PLEKHH1: variants seen among roughly 807,000 people sequenced by gnomAD.
The protein encoded by PLEKHH1 is pleckstrin homology domain-containing family H member 1.
In PLEKHH1, 104 loss-of-function variants were observed where a neutral mutation model predicts 160.0. The observed-to-expected ratio is 0.65, with a 90% CI of 0.55 to 0.76. The LOEUF is 0.76. Ranked by LOEUF, PLEKHH1 falls within the 30% of genes least tolerant of loss-of-function variation. PLEKHH1 has a pLI of 0.00. For synonymous variants in PLEKHH1, 619 were observed against 678.4 expected (o/e 0.91, Z 1.36); for missense variants, 1,427 against 1,724.1 (o/e 0.83, Z 3.05).
chr14:67,575,467 G>A lies in PLEKHH1; in HGVS notation c.2164G>A (p.Asp722Asn). 2 of 1,596,802 alleles carry A rather than the reference G, an allele frequency of 1.3e-6. No individual in the cohort carries two copies. Among genetic ancestry groups the A allele is most frequent in the Non-Finnish European group, 1.7e-6 (2 of 1,168,884 alleles). The change falls in exon 15 of 29, where the codon GAC becomes AAC. Residue 722 changes from aspartate to asparagine, a missense_variant. Around this residue, in one of 6 missense-constraint regions of PLEKHH1, gnomAD observed 831 missense variants for 929.2 expected, o/e 0.89. Coordinates refer to ENST00000329153, the MANE Select transcript of PLEKHH1 (RefSeq NM_020715.3). ...KIFYYYRSHE[D>N]KRPLGCLPVR... Reference sequence around the variant, plus strand: ...CTTCTACTACTATCGGAGCCATGAGGACAAGGTACTTCTCAGCCTCCTCAC... The same window carrying A: ...CTTCTACTACTATCGGAGCCATGAGAACAAGGTACTTCTCAGCCTCCTCAC...
rs911447416 is a variant in PLEKHH1 at position 67,573,611 on chromosome 14, C to A, written c.1840-190C>A. On this transcript the variant is annotated intron_variant, in intron 12 of 28. Transcript: ENST00000329153. The surrounding 1 kb of genome is among the most constrained non-coding windows in gnomAD (Gnocchi z 4.8). ...GAAATAGGGAGGTTCTCAGAAGGACCCATGTTCCTGATTAAGGTTCCATTT... is the reference window on the plus strand; with the variant it reads ...GAAATAGGGAGGTTCTCAGAAGGACACATGTTCCTGATTAAGGTTCCATTT... Among the ~76,000 whole-genome samples, 1 of 152,156 alleles carries A rather than the reference C, an allele frequency of 6.6e-6. No homozygotes were observed. Among genetic ancestry groups the A allele is most frequent in the African/African-American group, 2.4e-5 (1 of 41,420 alleles).
chr14:67,573,763 A>T lies in PLEKHH1; in HGVS notation c.1840-38A>T, dbSNP rs1313240298. 7.4e-7 allele frequency: 1 copy of T among 1,347,856 alleles called. No homozygotes were observed. The highest frequency in any genetic ancestry group is 1.1e-6 in the Non-Finnish European group (1 of 936,438). 83.5% of individuals were successfully genotyped at this position (1,347,856 alleles called of 1,614,324 possible). On this transcript the variant is annotated intron_variant, in intron 12 of 28. Transcript: ENST00000329153. The surrounding 1 kb of genome is among the most constrained non-coding windows in gnomAD (Gnocchi z 4.8). ...AAATGAGGTGCTCCGGAAAGGCTCC[A>T]CATTCAGTGGCTCTCCTCTCCAATA...
chr14:67,563,903 GT>G (rs71129836), intron 7 of PLEKHH1, among the ~76,000 whole-genome samples: 119,024 of 135,452 alleles, frequency 0.88, 52,456 homozygotes, highest in Non-Finnish European at 0.94. Context: ...CCGGCTAACT[GT>G]TTTTTTTTTT....
chr14:67,569,264 G>T, intron 8 of PLEKHH1, 48 bp downstream of exon 8: 1 of 1,395,996 alleles, frequency 7.2e-7, no homozygotes, highest in South Asian at 1.2e-5. Context: ...AAGGTGGGCA[G>T]GGTGGGCAAG....
At chr14:67,557,146 G>T (rs2034626771) in intron 3 of PLEKHH1, 123 bp from the exon 4 acceptor site, 1 of 702,754 alleles carries the variant, frequency 1.4e-6, no homozygotes, top group South Asian at 1.9e-5. Context: ...GACTGCCCTG[G>T]GTAAGGGCTG....
chr14:67,546,936 G>A (rs61568534), intron 2 of PLEKHH1, among the ~76,000 whole-genome samples: 1 of 152,256 alleles, frequency 6.6e-6, no homozygotes, highest in African/African-American at 2.4e-5. Context: ...GTTTTAGAGT[G>A]TGCCTGTCTA....
intron 7 of PLEKHH1, 125 bp downstream of exon 7, chr14:67,563,019 C>A: frequency 1.0e-6 from 1 of 972,622 alleles, no homozygotes; most frequent in Non-Finnish European, 1.5e-6. Context: ...CCCTGGCAGG[C>A]AGGTACCATG....
chr14:67,585,303 T>C, intron 26 of PLEKHH1: 1 of 438,506 alleles, frequency 2.3e-6, no homozygotes, highest in South Asian at 2.3e-5. Flanking sequence ...GCAGCATGGG[T>C]TCTAGGGACA....
rs540237947 is a variant in PLEKHH1 at position 67,578,845 on chromosome 14, G to A, written c.2849+214G>A. ...TCTGCACGCCAATCCATGTATCCAC[G>A]GATGTACTGTGGCAACTCTCACATG... is the stretch of plus-strand genomic sequence containing the variant. On this transcript the variant is annotated intron_variant, in intron 20 of 28. Coordinates refer to ENST00000329153, the MANE Select transcript of PLEKHH1 (RefSeq NM_020715.3). This position sits in a 1 kb window ranked among gnomAD's most constrained non-coding sequence, Gnocchi z 5.0. 4.1e-4 allele frequency among the ~76,000 whole-genome samples: 62 copies of A among 152,298 alleles called. No homozygotes were observed. Among genetic ancestry groups the A allele is most frequent in the Non-Finnish European group, 7.1e-4 (48 of 68,032 alleles).
chr14:67,581,894 A>G (rs2035918142), intron 23 of PLEKHH1, 175 bp from the exon 24 acceptor site: 1 of 612,776 alleles, frequency 1.6e-6, no homozygotes, highest in Non-Finnish European at 2.8e-6. Context: ...ATGACCCTGC[A>G]TCTGCTCTGT....
intron 2 of PLEKHH1, among the ~76,000 whole-genome samples, chr14:67,543,820 G>T (rs548630661): frequency 6.6e-6 from 1 of 152,154 alleles, no homozygotes; most frequent in Non-Finnish European, 1.5e-5. Flanking sequence ...GAAATACTGG[G>T]TTAAATATTT....
At chr14:67,584,459 TCCACTGGTTTGACATGGCATA>T (rs1212501835) in intron 26 of PLEKHH1, among the ~76,000 whole-genome samples, 1 of 152,206 alleles carries the variant, frequency 6.6e-6, no homozygotes, top group Non-Finnish European at 1.5e-5. Flanking sequence ...CAAATACATC[TCCACTGGTTTGACATGGCATA>T]CAGGGGAATC....
Position 67,582,198 on chromosome 14 carries a change from C to T in PLEKHH1, c.3414C>T (p.Ala1138=). 3 of 1,613,706 alleles carry T rather than the reference C, an allele frequency of 1.9e-6. No individual in the cohort carries two copies. Among genetic ancestry groups the T allele is most frequent in the Non-Finnish European group, 2.5e-6 (3 of 1,179,850 alleles). The change falls in exon 24 of 29, where the codon GCC becomes GCT. Residue 1138 remains alanine (A), a synonymous_variant. Coordinates refer to ENST00000329153, the MANE Select transcript of PLEKHH1 (RefSeq NM_020715.3). This position sits in a 1 kb window ranked among gnomAD's most constrained non-coding sequence, Gnocchi z 5.0. ...AGGAATTGGCTCTTGAGATGGCTGC[C>T]CTGATGGCCCAGGTAAGGTTCTGTT... ...INKELALEMA[A]LMAQVEYGDL... is the part of the protein sequence containing the mutation.
intron 23 of PLEKHH1, 171 bp from the exon 24 acceptor site, chr14:67,581,896 CTG>C: frequency 1.6e-6 from 1 of 618,644 alleles, no homozygotes; most frequent in Non-Finnish European, 2.8e-6. Context: ...GACCCTGCAT[CTG>C]CTCTGTGTCA....
intron 5 of PLEKHH1, among the ~76,000 whole-genome samples, chr14:67,560,137 G>T (rs532035301): frequency 6.6e-6 from 1 of 151,938 alleles, no homozygotes; most frequent in African/African-American, 2.4e-5. Flanking sequence ...ACCGATTCTC[G>T]TGCCTCAGCC....
Position 67,582,322 on chromosome 14 carries a change from G to T in PLEKHH1, c.3426+112G>T. The T allele has an allele frequency of 6.4e-7, 1 of 1,555,266 alleles. No individual in the cohort carries two copies. Among genetic ancestry groups the T allele is most frequent in the South Asian group, 1.2e-5 (1 of 85,268 alleles). On this transcript the variant is annotated intron_variant, in intron 24 of 28. Coordinates refer to ENST00000329153, the MANE Select transcript of PLEKHH1 (RefSeq NM_020715.3). This position sits in a 1 kb window ranked among gnomAD's most constrained non-coding sequence, Gnocchi z 5.0. Reference sequence around the variant, plus strand: ...CAGATCCTGTGGTGCTCAGGAGAGGGCAGCTTTGCCATCTCTGGGATGGAA... The same window carrying T: ...CAGATCCTGTGGTGCTCAGGAGAGGTCAGCTTTGCCATCTCTGGGATGGAA...
Position 67,588,017 on chromosome 14 carries a change from A to T in PLEKHH1, c.*782A>T, listed in dbSNP as rs1205175636. Reference sequence around the variant, plus strand: ...ATGGGAAAGGTGCTGACAGAGTTGGAGAAAAAAGAATAGACTCATTTTTCC... The same window carrying T: ...ATGGGAAAGGTGCTGACAGAGTTGGTGAAAAAAGAATAGACTCATTTTTCC... On this transcript the variant is annotated 3_prime_UTR_variant, in exon 29 of 29. Coordinates refer to ENST00000329153, the MANE Select transcript of PLEKHH1 (RefSeq NM_020715.3). The T allele has an allele frequency of 2.0e-5, 3 of 152,644 alleles. No individual in the cohort carries two copies. Among genetic ancestry groups the T allele is most frequent in the Non-Finnish European group, 2.9e-5 (2 of 68,058 alleles). 9.5% of individuals were successfully genotyped at this position (152,644 alleles called of 1,614,324 possible). A position where few individuals can be genotyped will look rare whatever the true frequency, so the allele number is the denominator to read the frequency against.
In PLEKHH1 at chr14:67,562,527, C is replaced by A. The variant is rs1438229926; in HGVS notation, c.896C>A (p.Thr299Asn). Residue 299 changes from threonine (T) to asparagine (N), a missense_variant, in exon 7 of 29, where the codon ACC becomes AAC. By Grantham distance (65) the Thr-to-Asn change is moderately conservative. Coordinates refer to ENST00000329153, the MANE Select transcript of PLEKHH1 (RefSeq NM_020715.3). The stretch of plus-strand genomic sequence containing the variant: ...AGAGGGATGCTCCCTGGGACAAAGA[C>A]CTCTGCCAGGGAAGGTGGTCCTGGC... ...AQRGMLPGTK[T>N]SAREGGPGSS... 2 of 1,609,978 alleles carry A rather than the reference C, an allele frequency of 1.2e-6. No homozygotes were observed. The highest frequency in any genetic ancestry group is 1.7e-6 in the Non-Finnish European group (2 of 1,176,622).
In PLEKHH1 at chr14:67,574,125, T is replaced by C. The variant is rs2035512824; in HGVS notation, c.1927-117T>C. On this transcript the variant is annotated intron_variant, in intron 13 of 28. Transcript: ENST00000329153. This position sits in a 1 kb window ranked among gnomAD's most constrained non-coding sequence, Gnocchi z 4.2. ...AGGAGGAAAAGAAAGGAGGGAGCAC[T>C]AGGGCAGGCAGAAGGCCAGCCCCTT... 9 of 862,274 alleles carry C rather than the reference T, an allele frequency of 1.0e-5. No homozygotes were observed. Among genetic ancestry groups the C allele is most frequent in the Non-Finnish European group, 1.6e-5 (9 of 561,806 alleles). The allele number at this position is 862,274 out of a possible 1,614,324, so 53.4% of individuals were successfully genotyped here.
Sources: allele counts gnomAD v4.1 joint callset (sites outside exome capture counted in the v4.1 genomes callset), GRCh38; gene constraint gnomAD v4.1.1; regional missense constraint gnomAD v4.1.1; non-coding constraint Gnocchi (gnomAD v3.1); transcripts MANE v1.5; gene names NCBI Gene and HGNC (gene_info 2026-07-23, HGNC 2026-07-21).